The following DDX27 variants were observed in gnomAD, a reference collection of about 807,000 sequenced individuals.
DDX27 encodes probable ATP-dependent RNA helicase DDX27.
Under a neutral mutation model 99.3 loss-of-function variants are expected in DDX27, and 42 were observed. The ratio of observed to expected loss-of-function variants is 0.42; its 90% confidence interval spans 0.33 to 0.55. DDX27 has a LOEUF of 0.55. DDX27 is among the 20% of genes least tolerant of loss of function. The pLI is 0.07. For synonymous variants in DDX27, 329 were observed against 353.8 expected (o/e 0.93, Z 0.79); for missense variants, 798 against 976.8 (o/e 0.82, Z 2.44).
At chr20:49,225,398 C>G (rs1396179009) in intron 6 of DDX27, among the ~76,000 whole-genome samples, 199 bp downstream of exon 6, 3 of 150,636 alleles carry the variant, frequency 2.0e-5, no homozygotes, top group African/African-American at 7.3e-5. Flanking sequence ...ACTGGACTTT[C>G]TGCTTCTCTC....
chr20:49,219,650 T>TC, intron 1 of DDX27, 109 bp downstream of exon 1: 1 of 1,218,008 alleles, frequency 8.2e-7, no homozygotes, highest in Non-Finnish European at 1.1e-6. Flanking sequence ...CCCGGAAGTT[T>TC]CCCGAAAAGG....
In DDX27 at chr20:49,243,768, A is replaced by G. The variant is rs758862318; in HGVS notation, c.2280-48A>G. On this transcript the variant is annotated intron_variant, in intron 20 of 20. Transcript: ENST00000618172. ...TAGAGATAAAAACCTTTCATGGAAA[A>G]GAAGCTTCTCCATCCTCATTCTGGT... The G allele has an allele frequency of 2.5e-5, 40 of 1,614,030 alleles. No individual in the cohort carries two copies. In the Admixed American group the frequency reaches 6.7e-4, roughly 27 times the overall value.
intron 1 of DDX27, among the ~76,000 whole-genome samples, chr20:49,220,789 T>TTCTC (rs1555879863): frequency 6.6e-6 from 1 of 151,704 alleles, no homozygotes; most frequent in Non-Finnish European, 1.5e-5. Flanking sequence ...GGGGAATTGT[T>TTCTC]TGTGTTTGTT....
chr20:49,232,150 G>A (rs962388508), intron 9 of DDX27, among the ~76,000 whole-genome samples: 3 of 151,986 alleles, frequency 2.0e-5, no homozygotes, highest in African/African-American at 7.2e-5. Flanking sequence ...GCTTCCCAAA[G>A]TTTTGGGATT....
Position 49,230,206 on chromosome 20 carries a change from G to T in DDX27, c.888G>T (p.Leu296Phe), listed in dbSNP as rs779913447. 1 of 1,612,050 alleles carries T rather than the reference G, an allele frequency of 6.2e-7. No individual in the cohort carries two copies. The highest frequency in any genetic ancestry group is 1.3e-5 in the African/African-American group (1 of 75,032). ...NITTCLAVGG[L>F]DVKSQEAALR... is the part of the protein sequence containing the mutation. Reference sequence around the variant, plus strand: ...GCTCTCTTCTCTTTGCAGGCGGCTTGGATGTGAAGTCTCAGGAAGCAGCTC... The same window carrying T: ...GCTCTCTTCTCTTTGCAGGCGGCTTTGATGTGAAGTCTCAGGAAGCAGCTC... The change falls in exon 9 of 21, where the codon TTG becomes TTT. Residue 296 changes from leucine to phenylalanine, a missense_variant. Physicochemically the swap from Leu to Phe is conservative, Grantham distance 22. Around this residue, in one of 2 missense-constraint regions of DDX27, gnomAD observed 553 missense variants for 727.9 expected, o/e 0.76. Coordinates refer to ENST00000618172, the MANE Select transcript of DDX27 (RefSeq NM_017895.8).
Position 49,226,508 on chromosome 20 carries a change from A to C in DDX27, c.679A>C (p.Ile227Leu). 2.5e-6 allele frequency: 4 copies of C among 1,614,112 alleles called. No individual in the cohort carries two copies. Among genetic ancestry groups the C allele is most frequent in the Non-Finnish European group, 3.4e-6 (4 of 1,180,000 alleles). Reference sequence around the variant, plus strand: ...ACCTGTGGGTCTATTGGGGAAGGACATCTGTGCCTGTGCAGCCACTGGGAC... The same window carrying C: ...ACCTGTGGGTCTATTGGGGAAGGACCTCTGTGCCTGTGCAGCCACTGGGAC... ...CIPVGLLGKD[I>L]CACAATGTGK... The change falls in exon 7 of 21, where the codon ATC becomes CTC. Residue 227 changes from isoleucine to leucine, a missense_variant. Ile to Leu is a conservative substitution (Grantham distance 5). Coordinates refer to ENST00000618172, the MANE Select transcript of DDX27 (RefSeq NM_017895.8).
At chr20:49,231,300 G>C (rs985367316) in intron 9 of DDX27, among the ~76,000 whole-genome samples, 1 of 152,102 alleles carries the variant, frequency 6.6e-6, no homozygotes, top group Non-Finnish European at 1.5e-5. Flanking sequence ...CATGAACAAG[G>C]GCATGTCTAG....
In DDX27 at chr20:49,236,974, A is replaced by G. The variant is rs902651223; in HGVS notation, c.1687+464A>G. ...CAATCCACCCACCTTCTGCCTCCCA[A>G]AGTGCCGGGATTAACAGTAATGAGC... On this transcript the variant is annotated intron_variant, in intron 14 of 20. Coordinates refer to ENST00000618172, the MANE Select transcript of DDX27 (RefSeq NM_017895.8). The surrounding 1 kb of genome is among the most constrained non-coding windows in gnomAD (Gnocchi z 4.1). 1.3e-5 allele frequency among the ~76,000 whole-genome samples: 2 copies of G among 152,054 alleles called. No individual in the cohort carries two copies. The highest frequency in any genetic ancestry group is 2.9e-5 in the Non-Finnish European group (2 of 68,004).
At chr20:49,243,787 T>G (rs1232376906) in intron 20 of DDX27, 29 bp from the exon 21 acceptor site, 14 of 1,614,220 alleles carry the variant, frequency 8.7e-6, no homozygotes, top group Non-Finnish European at 1.2e-5. Flanking sequence ...TCCATCCTCA[T>G]TCTGGTCTTA....
intron 1 of DDX27, 83 bp downstream of exon 1, chr20:49,219,624 A>C: frequency 5.0e-6 from 7 of 1,393,904 alleles, no homozygotes; most frequent in Non-Finnish European, 6.7e-6. Context: ...CCGAATCCTC[A>C]TCATCCCCTG....
At chr20:49,234,066 C>T (rs1980221505) in intron 11 of DDX27, 1 of 235,176 alleles carries the variant, frequency 4.3e-6, no homozygotes, top group African/African-American at 2.2e-5. Flanking sequence ...CATTGCAGAG[C>T]ATTTACAATG....
chr20:49,222,092 G>C (rs1041471807), intron 2 of DDX27, among the ~76,000 whole-genome samples: 5 of 151,854 alleles, frequency 3.3e-5, no homozygotes, highest in Non-Finnish European at 5.9e-5. Flanking sequence ...TTTAATCCAG[G>C]CTTTGCTGGT....
In DDX27 at chr20:49,226,424, C is replaced by T. The variant is rs1043812908; in HGVS notation, c.601-6C>T. On this transcript the variant is annotated splice_polypyrimidine_tract_variant and splice_region_variant and intron_variant, in intron 6 of 20. Transcript: ENST00000618172. ...ACCCTGTCTGACCCAGTTCTTTTTT[C>T]CTCAGGCCATTACAGCCATGGGCTT... is the stretch of plus-strand genomic sequence containing the variant. 8 of 1,611,062 alleles carry T rather than the reference C, an allele frequency of 5.0e-6. No homozygotes were observed. The Admixed American group carries it at 8.4e-5, about 17-fold the overall frequency.
At chr20:49,237,727 G>A (rs965322337) in intron 14 of DDX27, among the ~76,000 whole-genome samples, 6 of 152,188 alleles carry the variant, frequency 3.9e-5, no homozygotes, top group Non-Finnish European at 8.8e-5. Flanking sequence ...CTGGGTGATC[G>A]GAATGAGGCA....
chr20:49,226,138 C>G (rs1283125625), intron 6 of DDX27, among the ~76,000 whole-genome samples: 1 of 152,186 alleles, frequency 6.6e-6, no homozygotes, highest in Non-Finnish European at 1.5e-5. Context: ...GCCCGTCTGG[C>G]CGCTGCATTG....
chr20:49,236,636 T>A lies in DDX27; in HGVS notation c.1687+126T>A. ...TTGAATTCCAGCCCTGCTGCTTCCT[T>A]GCCGAGTGACCATGTGCAGGTTTCA... On this transcript the variant is annotated intron_variant, in intron 14 of 20. Transcript: ENST00000618172. This position sits in a 1 kb window ranked among gnomAD's most constrained non-coding sequence, Gnocchi z 4.1. 1 of 966,358 alleles carries A rather than the reference T, an allele frequency of 1.0e-6. No homozygotes were observed. The highest frequency in any genetic ancestry group is 3.9e-5 in the Admixed American group (1 of 25,830). 59.9% of individuals were successfully genotyped at this position (966,358 alleles called of 1,614,324 possible). A position where few individuals can be genotyped will look rare whatever the true frequency, so the allele number is the denominator to read the frequency against.
chr20:49,230,601 T>G (rs181533549), intron 9 of DDX27, among the ~76,000 whole-genome samples: 63 of 152,270 alleles, frequency 4.1e-4, no homozygotes, highest in Non-Finnish European at 8.8e-4. Flanking sequence ...CTAAGGGAGA[T>G]TTGGAAATAT....
intron 1 of DDX27, among the ~76,000 whole-genome samples, chr20:49,219,977 G>T (rs1036637029): frequency 5.3e-5 from 8 of 152,164 alleles, no homozygotes; most frequent in African/African-American, 1.9e-4. Context: ...TGAACAAGGT[G>T]AGTGCCACTC....
intron 16 of DDX27, chr20:49,241,661 G>A (rs962660625): frequency 2.0e-5 from 12 of 598,250 alleles, no homozygotes; most frequent in Non-Finnish European, 3.3e-5. Flanking sequence ...AGTAGTCGGG[G>A]TTTCACCATG....
Sources: gnomAD v4.1 joint callset for allele counts (sites outside exome capture counted in the v4.1 genomes callset) on GRCh38, gnomAD v4.1.1 for gene constraint, gnomAD v4.1.1 regional missense constraint, Gnocchi (gnomAD v3.1) non-coding constraint, MANE v1.5 for transcripts, NCBI Gene and HGNC (gene_info 2026-07-23, HGNC 2026-07-21) for gene names.